STUM: variants seen among roughly 807,000 people sequenced by gnomAD.
STUM encodes the protein stum, mechanosensory transduction mediator homolog.
STUM carries 8 observed loss-of-function variants against 15.3 expected under a neutral mutation model. The observed-to-expected ratio is 0.52, with a 90% CI of 0.31 to 0.94. The LOEUF is 0.94. Among genes scored for constraint, STUM ranks in the 40% least tolerant of loss-of-function variants. The pLI is 0.05. For synonymous variants in STUM, 78 were observed against 88.7 expected, an observed-to-expected ratio of 0.88 and a Z score of 0.68; for missense variants, 142 against 204.9, an observed-to-expected ratio of 0.69 and a Z score of 1.87.
intron 2 of STUM, among the ~76,000 whole-genome samples, chr1:226,598,311 A>G (rs17521099): frequency 0.052 from 7,890 of 152,260 alleles, 313 homozygotes; most frequent in Non-Finnish European, 0.083. Context: ...TTCTGCCCTC[A>G]GAAGGTTGAA....
chr1:226,575,074 G>A (rs1158363396), intron 1 of STUM, among the ~76,000 whole-genome samples: 2 of 152,210 alleles, frequency 1.3e-5, no homozygotes, highest in African/African-American at 4.8e-5. Context: ...CTGTGAAGTA[G>A]GTGCTAGCGG....
chr1:226,582,456 G>A (rs542335890), intron 1 of STUM, among the ~76,000 whole-genome samples: 58 of 152,210 alleles, frequency 3.8e-4, no homozygotes, highest in African/African-American at 1.3e-3. Flanking sequence ...TTAGCTGGGT[G>A]TGGTGGCGGG....
At chr1:226,575,977 A>G (rs837444) in intron 1 of STUM, among the ~76,000 whole-genome samples, 82,443 of 152,106 alleles carry the variant, frequency 0.54, 22,695 homozygotes, top group Admixed American at 0.62. Context: ...ACTGCTAGAA[A>G]GAGAACGTAC....
chr1:226,572,610 C>G (rs919085987), intron 1 of STUM, among the ~76,000 whole-genome samples: 14 of 152,212 alleles, frequency 9.2e-5, no homozygotes, highest in Non-Finnish European at 1.5e-4. Flanking sequence ...GCCAGGGAAG[C>G]CTCCTGAGTT....
intron 1 of STUM, among the ~76,000 whole-genome samples, chr1:226,578,648 C>G (rs565211152): frequency 6.6e-6 from 1 of 152,196 alleles, no homozygotes; most frequent in Non-Finnish European, 1.5e-5. Flanking sequence ...CAGGCATGAG[C>G]CACTGCACCC....
At chr1:226,601,209 C>T (rs1257568016) in intron 3 of STUM, among the ~76,000 whole-genome samples, 3 of 152,136 alleles carry the variant, frequency 2.0e-5, no homozygotes, top group African/African-American at 7.2e-5. Flanking sequence ...TCACTGCAAC[C>T]TCCGCCTCCT....
rs201122764 is a variant in STUM, at chr1:226,571,551, AT to A, written c.202+22455del. On this transcript the variant is annotated intron_variant, in intron 1 of 3. Coordinates refer to ENST00000366788, the MANE Select transcript of STUM (RefSeq NM_001003665.4). Reference sequence around the variant, plus strand: ...AAGGTTAGTGAAAATTAAGATGCAAATTTTTTTTTTGCAGTTATAGTTCATG... The same window carrying A: ...AAGGTTAGTGAAAATTAAGATGCAAATTTTTTTTTGCAGTTATAGTTCATG... Among the ~76,000 whole-genome samples, 1,215 of 149,938 alleles carry A rather than the reference AT, an allele frequency of 8.1e-3. 10 individuals carry two copies. Among genetic ancestry groups the A allele is most frequent in the African/African-American group, 0.015 (623 of 41,038 alleles).
At position 226,549,129 on chromosome 1, in the gene STUM, C is replaced by G; in HGVS notation, c.202+23C>G. 6.4e-7 allele frequency: 1 copy of G among 1,560,790 alleles called. No homozygotes were observed. The highest frequency in any genetic ancestry group is 8.7e-7 in the Non-Finnish European group (1 of 1,154,656). Reference sequence around the variant, plus strand: ...TGGGTAAGACACGGCTGCCGCGACCCTTGCGACCCCCACCCCGCCGCGGGA... The same window carrying G: ...TGGGTAAGACACGGCTGCCGCGACCGTTGCGACCCCCACCCCGCCGCGGGA... On this transcript the variant is annotated intron_variant, in intron 1 of 3. Coordinates refer to ENST00000366788, the MANE Select transcript of STUM (RefSeq NM_001003665.4). The surrounding 1 kb of genome is among the most constrained non-coding windows in gnomAD (Gnocchi z 6.8).
At chr1:226,559,132 C>T (rs533468289) in intron 1 of STUM, among the ~76,000 whole-genome samples, 60 of 152,320 alleles carry the variant, frequency 3.9e-4, no homozygotes, top group East Asian at 2.9e-3. Flanking sequence ...CAGGACTGCC[C>T]TTGAACCTGG....
chr1:226,553,248 C>T (rs781235233), intron 1 of STUM, among the ~76,000 whole-genome samples: 11 of 151,944 alleles, frequency 7.2e-5, no homozygotes, highest in African/African-American at 1.5e-4. Flanking sequence ...AAGAGGTCTC[C>T]GAAGGTGACA....
Position 226,552,050 on chromosome 1 carries a change from G to A in STUM, c.202+2944G>A, listed in dbSNP as rs1331099404. ...CCTGGATTGCAGATTGGATGAGAGG[G>A]CAGTTTTTGCTGAATGAAGGCTCGT... On this transcript the variant is annotated intron_variant, in intron 1 of 3. Coordinates refer to ENST00000366788, the MANE Select transcript of STUM (RefSeq NM_001003665.4). The surrounding 1 kb of genome is among the most constrained non-coding windows in gnomAD (Gnocchi z 4.7). 6.6e-6 allele frequency among the ~76,000 whole-genome samples: 1 copy of A among 152,160 alleles called. No homozygotes were observed. The highest frequency in any genetic ancestry group is 6.5e-5 in the Admixed American group (1 of 15,286).
chr1:226,584,628 T>C (rs1042740108), intron 1 of STUM, among the ~76,000 whole-genome samples: 1 of 152,202 alleles, frequency 6.6e-6, no homozygotes, highest in Non-Finnish European at 1.5e-5. Context: ...AGCCCCACTC[T>C]GCCTGGTTAA....
At chr1:226,561,492 C>T (rs572087793) in intron 1 of STUM, among the ~76,000 whole-genome samples, 2 of 152,106 alleles carry the variant, frequency 1.3e-5, no homozygotes, top group African/African-American at 4.8e-5. Flanking sequence ...CCTTGGTCCC[C>T]GACCACTCAG....
At position 226,586,896 on chromosome 1, in the gene STUM, C is replaced by T. The variant is rs578090402; in HGVS notation, c.203-9906C>T. Among the ~76,000 whole-genome samples, 4 of 152,296 alleles carry T rather than the reference C, an allele frequency of 2.6e-5. No individual in the cohort carries two copies. The East Asian group carries it at 7.7e-4, about 29-fold the overall frequency. On this transcript the variant is annotated intron_variant, in intron 1 of 3. Transcript: ENST00000366788. ...GGGCCACTGCATTGTCCTGGGCTCC[C>T]CTGCCCTGGCCATTACACAACCACC...
intron 1 of STUM, among the ~76,000 whole-genome samples, chr1:226,573,685 G>A (rs1004465953): frequency 2.0e-5 from 3 of 152,118 alleles, no homozygotes; most frequent in Non-Finnish European, 2.9e-5. Context: ...TATTGAAGGT[G>A]TACAGCATGA....
chr1:226,575,344 G>A (rs997419779), intron 1 of STUM, among the ~76,000 whole-genome samples: 4 of 152,272 alleles, frequency 2.6e-5, no homozygotes, highest in African/African-American at 7.2e-5. Context: ...CTTCTCACCC[G>A]AAAGTTGACA....
At chr1:226,594,442 T>G (rs887858547) in intron 1 of STUM, among the ~76,000 whole-genome samples, 3 of 152,148 alleles carry the variant, frequency 2.0e-5, no homozygotes, top group Non-Finnish European at 2.9e-5. Context: ...AGTCTTTTGG[T>G]CAATTTCCCA....
At chr1:226,570,197 G>T (rs541273423) in intron 1 of STUM, among the ~76,000 whole-genome samples, 19 of 152,304 alleles carry the variant, frequency 1.2e-4, no homozygotes, top group Non-Finnish European at 2.6e-4. Flanking sequence ...AGAACAGTCA[G>T]TGAGATTTCC....
At position 226,607,353 on chromosome 1, in the gene STUM, A is replaced by G. The variant is rs893347000; in HGVS notation, c.*5313A>G. 1.3e-5 allele frequency: 2 copies of G among 152,254 alleles called. No individual in the cohort carries two copies. Among genetic ancestry groups the G allele is most frequent in the Non-Finnish European group, 2.9e-5 (2 of 68,080 alleles). 9.4% of individuals were successfully genotyped at this position (152,254 alleles called of 1,614,324 possible). A position where few individuals can be genotyped will look rare whatever the true frequency, so the allele number is the denominator to read the frequency against. ...ATCCCAACCAGAGGGATTCTTCCCCAAACGTTCCCTTGTGGCCCAAGAGTG... is the reference window on the plus strand; with the variant it reads ...ATCCCAACCAGAGGGATTCTTCCCCGAACGTTCCCTTGTGGCCCAAGAGTG... On this transcript the variant is annotated 3_prime_UTR_variant, in exon 4 of 4. Transcript: ENST00000366788.
Sources: allele counts gnomAD v4.1 joint callset (sites outside exome capture counted in the v4.1 genomes callset), GRCh38; gene constraint gnomAD v4.1.1; non-coding constraint Gnocchi (gnomAD v3.1); transcripts MANE v1.5; gene names NCBI Gene and HGNC (gene_info 2026-07-23, HGNC 2026-07-21).